Variants in CNTN6 observed in about 807,000 individuals in gnomAD.
CNTN6 encodes contactin-6.
CNTN6 carries 137 observed loss-of-function variants against 122.8 expected under a neutral mutation model. The ratio of observed to expected loss-of-function variants is 1.12; its 90% CI spans 0.97 to 1.29. The LOEUF is 1.29. Ranked by LOEUF, CNTN6 falls within the 50% of genes most tolerant of loss-of-function variation. The pLI is 0.00. For missense variants in CNTN6, 1,634 were observed against 1,223.4 expected (o/e 1.34, Z -5.01); for synonymous variants, 570 against 426.0 (o/e 1.34, Z -4.16).
intron 7 of CNTN6, among the ~76,000 whole-genome samples, chr3:1,314,104 A>G (rs1699776067): frequency 6.6e-6 from 1 of 152,128 alleles, no homozygotes; most frequent in Admixed American, 6.6e-5. Flanking sequence ...TACACCACTC[A>G]GAGTAAAATA....
At chr3:1,402,586 G>C in intron 22 of CNTN6, 100 bp downstream of exon 22, 1 of 985,414 alleles carries the variant, frequency 1.0e-6, no homozygotes. Context: ...TAAATGTTGG[G>C]TGATAAGATA....
intron 4 of CNTN6, among the ~76,000 whole-genome samples, chr3:1,241,336 G>A (rs1431785327): frequency 1.3e-5 from 2 of 151,960 alleles, no homozygotes; most frequent in East Asian, 1.9e-4. Context: ...GAGAACGGGC[G>A]ATGTTTCTCA....
intron 3 of CNTN6, among the ~76,000 whole-genome samples, chr3:1,226,666 A>G (rs902211737): frequency 1.3e-5 from 2 of 152,168 alleles, no homozygotes; most frequent in Non-Finnish European, 2.9e-5. Flanking sequence ...TCTACTCTTC[A>G]TCAAAACTAG....
chr3:1,367,026 T>C (rs1708329231), intron 12 of CNTN6, among the ~76,000 whole-genome samples: 1 of 152,224 alleles, frequency 6.6e-6, no homozygotes, highest in African/African-American at 2.4e-5. Flanking sequence ...ATTTCTAAAA[T>C]TTTTAATTGA....
At chr3:1,180,602 G>C (rs1233086850) in intron 2 of CNTN6, among the ~76,000 whole-genome samples, 1 of 152,182 alleles carries the variant, frequency 6.6e-6, no homozygotes, top group Non-Finnish European at 1.5e-5. Flanking sequence ...CACTCATTGA[G>C]GGATCAGCTA....
chr3:1,305,951 C>T (rs1431163710), intron 7 of CNTN6, among the ~76,000 whole-genome samples: 4 of 152,098 alleles, frequency 2.6e-5, no homozygotes, highest in Non-Finnish European at 5.9e-5. Flanking sequence ...GTTTGCTTTT[C>T]GTCTTACTAA....
intron 2 of CNTN6, among the ~76,000 whole-genome samples, chr3:1,179,782 G>A (rs2093519957): frequency 6.6e-6 from 1 of 152,018 alleles, no homozygotes; most frequent in Admixed American, 6.6e-5. Context: ...GCTTCTGGTG[G>A]GGCCCAAGGA....
intron 11 of CNTN6, among the ~76,000 whole-genome samples, chr3:1,334,388 T>G (rs1559854834): frequency 6.6e-6 from 1 of 151,928 alleles, no homozygotes; most frequent in Non-Finnish European, 1.5e-5. Context: ...TTTTTTTTTT[T>G]TTTTGAGGCC....
intron 10 of CNTN6, among the ~76,000 whole-genome samples, chr3:1,328,333 G>A (rs1225061690): frequency 2.6e-5 from 4 of 151,742 alleles, no homozygotes; most frequent in Admixed American, 6.6e-5. Flanking sequence ...AATAAATGAC[G>A]CGTTGATAGT....
At chr3:1,327,377 ATGT>A in intron 9 of CNTN6, 77 bp from the exon 10 acceptor site, 4 of 1,384,496 alleles carry the variant, frequency 2.9e-6, no homozygotes, top group East Asian at 2.3e-5. Context: ...ATATACACAA[ATGT>A]TGTTTAATAA....
At chr3:1,147,084 A>T (rs2092738831) in intron 1 of CNTN6, among the ~76,000 whole-genome samples, 1 of 152,092 alleles carries the variant, frequency 6.6e-6, no homozygotes, top group South Asian at 2.1e-4. Flanking sequence ...AGAAATAAAA[A>T]TTTTATTATT....
At chr3:1,387,995 G>A (rs1468753432) in intron 20 of CNTN6, among the ~76,000 whole-genome samples, 3 of 152,144 alleles carry the variant, frequency 2.0e-5, no homozygotes, top group East Asian at 1.9e-4. Flanking sequence ...AGGGGCGCCC[G>A]CCATTGGCCA....
intron 20 of CNTN6, among the ~76,000 whole-genome samples, chr3:1,397,864 C>T (rs1695176770): frequency 6.6e-6 from 1 of 152,044 alleles, no homozygotes; most frequent in African/African-American, 2.4e-5. Flanking sequence ...AATGTCAACC[C>T]CATGCTGTTA....
intron 7 of CNTN6, among the ~76,000 whole-genome samples, chr3:1,300,715 A>G (rs1399283445): frequency 6.6e-6 from 1 of 152,068 alleles, no homozygotes; most frequent in Non-Finnish European, 1.5e-5. Context: ...AACCTATAGA[A>G]AAGTTGAAAG....
intron 1 of CNTN6, among the ~76,000 whole-genome samples, chr3:1,099,239 C>T (rs1482726164): frequency 6.6e-6 from 1 of 152,046 alleles, no homozygotes; most frequent in African/African-American, 2.4e-5. Context: ...ATCACGAGGT[C>T]AGGAGATCGA....
intron 7 of CNTN6, among the ~76,000 whole-genome samples, chr3:1,298,554 C>A (rs1435238060): frequency 1.3e-5 from 2 of 152,136 alleles, no homozygotes; most frequent in Non-Finnish European, 2.9e-5. Flanking sequence ...GTTTGGAATA[C>A]TTTTAAGCCA....
intron 4 of CNTN6, among the ~76,000 whole-genome samples, chr3:1,268,325 G>T (rs1458316823): frequency 6.6e-6 from 1 of 152,150 alleles, no homozygotes; most frequent in Non-Finnish European, 1.5e-5. Flanking sequence ...AATAGAGAGT[G>T]GGCTGGGCGC....
At chr3:1,344,108 G>T (rs1421321258) in intron 11 of CNTN6, among the ~76,000 whole-genome samples, 2 of 152,166 alleles carry the variant, frequency 1.3e-5, no homozygotes, top group East Asian at 3.9e-4. Context: ...TCAGTTTTTT[G>T]ATGTGGGGAG....
chr3:1,315,537 T>G (rs1699976536), intron 7 of CNTN6, among the ~76,000 whole-genome samples: 1 of 152,028 alleles, frequency 6.6e-6, no homozygotes, highest in Non-Finnish European at 1.5e-5. Context: ...GCTGGGTATT[T>G]AGCTCAGATG....
Sources: gnomAD v4.1 joint callset for allele counts (sites outside exome capture counted in the v4.1 genomes callset) on GRCh38, gnomAD v4.1.1 for gene constraint, MANE v1.5 for transcripts, NCBI Gene and HGNC (gene_info 2026-07-23, HGNC 2026-07-21) for gene names.